Variants in DGKI observed in about 807,000 individuals in gnomAD.
DGKI encodes the protein diacylglycerol kinase iota.
Under a neutral mutation model 147.5 loss-of-function variants are expected in DGKI, and 55 were observed. The ratio of observed to expected loss-of-function variants is 0.37; its 90% CI spans 0.30 to 0.47. The LOEUF (loss-of-function observed/expected upper bound fraction) is 0.47. Among genes scored for constraint, DGKI ranks in the 20% least tolerant of loss-of-function variants. DGKI has a pLI of 1.00. For missense variants in DGKI, 1,007 were observed against 1,323.8 expected (o/e 0.76, Z 3.71); for synonymous variants, 469 against 477.1 (o/e 0.98, Z 0.22).
chr7:137,615,510 CAT>C lies in DGKI; in HGVS notation c.993+4312_993+4313del, dbSNP rs1403202239. 7.5e-5 allele frequency among the ~76,000 whole-genome samples: 11 copies of C among 147,044 alleles called. No individual in the cohort carries two copies. The South Asian group carries it at 1.3e-3, about 18-fold the overall frequency. On this transcript the variant is annotated intron_variant, in intron 8 of 32. Coordinates refer to ENST00000614521, the MANE Select transcript of DGKI (RefSeq NM_001321708.2). ...GTATGATAGAATATAGATACATATACATATATGTGTATATGTATGTATGTGTG... is the reference window on the plus strand; with the variant it reads ...GTATGATAGAATATAGATACATATACATATGTGTATATGTATGTATGTGTG...
intron 1 of DGKI, among the ~76,000 whole-genome samples, chr7:137,694,139 G>T (rs543001185): frequency 6.6e-6 from 1 of 152,186 alleles, no homozygotes; most frequent in East Asian, 1.9e-4. Context: ...GGCTAACACG[G>T]TGAAACCCCA....
intron 28 of DGKI, among the ~76,000 whole-genome samples, chr7:137,436,488 G>C (rs550316607): frequency 3.0e-4 from 46 of 152,118 alleles, no homozygotes; most frequent in African/African-American, 1.1e-3. Context: ...AAAGGATCTG[G>C]ATCCAGATCA....
At chr7:137,586,993 TG>T in intron 13 of DGKI, 103 bp downstream of exon 13, 1 of 838,184 alleles carries the variant, frequency 1.2e-6, no homozygotes, top group Non-Finnish European at 1.8e-6. Flanking sequence ...AACTTATGCC[TG>T]GGACAGCAGC....
intron 21 of DGKI, among the ~76,000 whole-genome samples, chr7:137,516,224 G>A (rs1816740688): frequency 6.6e-6 from 1 of 152,108 alleles, no homozygotes; most frequent in African/African-American, 2.4e-5. Context: ...CATTATGAAT[G>A]ATGTTGGAGC....
chr7:137,507,596 A>T (rs559007800), intron 21 of DGKI, among the ~76,000 whole-genome samples: 3 of 152,330 alleles, frequency 2.0e-5, no homozygotes, highest in African/African-American at 7.2e-5. Context: ...ACAAAGAATT[A>T]TGCCACAATA....
intron 20 of DGKI, among the ~76,000 whole-genome samples, chr7:137,538,720 TG>T (rs1817594638): frequency 6.6e-6 from 1 of 152,138 alleles, no homozygotes; most frequent in East Asian, 1.9e-4. Context: ...CTGGTGAAGG[TG>T]GGTCAGCACA....
chr7:137,822,389 A>G (rs969290416), intron 1 of DGKI, among the ~76,000 whole-genome samples: 2 of 152,202 alleles, frequency 1.3e-5, no homozygotes, highest in African/African-American at 2.4e-5. Context: ...CCTGGGGGAC[A>G]GAGCAAGACT....
intron 1 of DGKI, among the ~76,000 whole-genome samples, chr7:137,721,525 T>C (rs569969493): frequency 6.6e-6 from 1 of 152,242 alleles, no homozygotes; most frequent in African/African-American, 2.4e-5. Context: ...AGGTCATCAT[T>C]ACCCCTTTCT....
At position 137,391,354 on chromosome 7, in the gene DGKI, GA is replaced by G. The variant is rs753097708; in HGVS notation, c.3058-19del. 0.02 allele frequency: 21,143 copies of G among 1,062,714 alleles called. No individual in the cohort carries two copies. Among genetic ancestry groups the G allele is most frequent in the South Asian group, 0.035 (1,703 of 48,502 alleles). The allele number at this position is 1,062,714 out of a possible 1,614,324, so 65.8% of individuals were successfully genotyped here. ...GTCTTACCCTATACGAAAATAGTGA[GA>G]AAAAAAAAAAGAGAGAGAGAGATAG... On this transcript the variant is annotated intron_variant, in intron 32 of 32. Coordinates refer to ENST00000614521, the MANE Select transcript of DGKI (RefSeq NM_001321708.2).
chr7:137,571,580 C>T (rs962940589), intron 18 of DGKI, among the ~76,000 whole-genome samples: 2 of 152,118 alleles, frequency 1.3e-5, no homozygotes, highest in Non-Finnish European at 2.9e-5. Context: ...TATGATATAT[C>T]ATGAATTATC....
At chr7:137,632,468 A>C (rs1161369358) in intron 6 of DGKI, among the ~76,000 whole-genome samples, 1 of 152,146 alleles carries the variant, frequency 6.6e-6, no homozygotes, top group Non-Finnish European at 1.5e-5. Flanking sequence ...AGAGAGAGAA[A>C]TGTCCAAATA....
intron 20 of DGKI, among the ~76,000 whole-genome samples, chr7:137,530,080 C>A (rs1175339156): frequency 6.6e-6 from 1 of 152,124 alleles, no homozygotes; most frequent in East Asian, 1.9e-4. Context: ...ACCAGAGTCA[C>A]AGATTTATTT....
At chr7:137,451,163 T>C (rs1392752280) in intron 27 of DGKI, among the ~76,000 whole-genome samples, 1 of 151,604 alleles carries the variant, frequency 6.6e-6, no homozygotes, top group East Asian at 1.9e-4. Flanking sequence ...ATATCTGTGT[T>C]TGAGGCAGTC....
intron 9 of DGKI, among the ~76,000 whole-genome samples, chr7:137,609,273 C>T (rs1405458210): frequency 6.6e-6 from 1 of 152,154 alleles, no homozygotes; most frequent in Non-Finnish European, 1.5e-5. Flanking sequence ...ACTCTGTAAA[C>T]TCCAAATATT....
chr7:137,581,825 G>T (rs760878358), intron 15 of DGKI, 25 bp downstream of exon 15: 1 of 1,595,608 alleles, frequency 6.3e-7, no homozygotes, highest in South Asian at 1.1e-5. Flanking sequence ...CTCCCTGGGA[G>T]ATGGAAATGG....
At chr7:137,488,591 C>T (rs1476783628) in intron 21 of DGKI, among the ~76,000 whole-genome samples, 2 of 152,088 alleles carry the variant, frequency 1.3e-5, no homozygotes, top group Non-Finnish European at 2.9e-5. Flanking sequence ...TAACATAAAA[C>T]CTTCAAAATT....
intron 20 of DGKI, among the ~76,000 whole-genome samples, chr7:137,542,893 C>T (rs1473558313): frequency 6.6e-6 from 1 of 152,170 alleles, no homozygotes; most frequent in Non-Finnish European, 1.5e-5. Context: ...CAACTGAAAC[C>T]TTAATGTTCT....
chr7:137,833,474 G>A (rs115328240), intron 1 of DGKI, among the ~76,000 whole-genome samples: 3,031 of 152,166 alleles, frequency 0.02, 121 homozygotes, highest in African/African-American at 0.069. Flanking sequence ...AGGGAAAGAC[G>A]CATCCTCATA....
intron 1 of DGKI, among the ~76,000 whole-genome samples, chr7:137,739,408 T>C (rs1795115567): frequency 6.6e-6 from 1 of 152,142 alleles, no homozygotes; most frequent in African/African-American, 2.4e-5. Flanking sequence ...TCCTTCCATG[T>C]TAAAAACTCT....
Sources: gnomAD v4.1 joint callset for allele counts (sites outside exome capture counted in the v4.1 genomes callset) on GRCh38, gnomAD v4.1.1 for gene constraint, MANE v1.5 for transcripts, NCBI Gene and HGNC (gene_info 2026-07-23, HGNC 2026-07-21) for gene names.